PHF20L1: variants seen among roughly 807,000 people sequenced by gnomAD.
PHF20L1 encodes PHD finger protein 20 like 1.
In PHF20L1, 44 loss-of-function variants were observed where a neutral mutation model predicts 125.5. That is an observed-to-expected ratio of 0.35 (90% confidence interval 0.28 to 0.45). The LOEUF is 0.45. PHF20L1 is among the 20% of genes least tolerant of loss of function. The probability of loss-of-function intolerance (pLI) is 1.00; values close to 1 mark genes in which losing one functional copy is unlikely to be tolerated. For synonymous variants in PHF20L1, 380 were observed against 403.1 expected, an observed-to-expected ratio of 0.94 and a Z score of 0.69; for missense variants, 1,012 against 1,217.2, an observed-to-expected ratio of 0.83 and a Z score of 2.51.
At chr8:132,837,080 C>T (rs183505549) in intron 16 of PHF20L1, among the ~76,000 whole-genome samples, 1 of 152,234 alleles carries the variant, frequency 6.6e-6, no homozygotes, top group East Asian at 1.9e-4. Flanking sequence ...AGTCACCCTT[C>T]ACTTGTCAGT....
chr8:132,787,822 A>C lies in PHF20L1; in HGVS notation c.84-6588A>C, dbSNP rs537083200. On this transcript the variant is annotated intron_variant, in intron 2 of 20. Coordinates refer to ENST00000395386, the MANE Select transcript of PHF20L1 (RefSeq NM_016018.5). ...GCTACCAGGAAACTAAAACTTTTAA[A>C]GGGTAACTAGGATACAAGAATATTT... Among the ~76,000 whole-genome samples, 13 of 152,266 alleles carry C rather than the reference A, an allele frequency of 8.5e-5. No individual in the cohort carries two copies. The East Asian group carries it at 2.3e-3, about 27-fold the overall frequency.
At chr8:132,791,674 T>C (rs181078029) in intron 2 of PHF20L1, among the ~76,000 whole-genome samples, 98 of 152,312 alleles carry the variant, frequency 6.4e-4, no homozygotes, top group Middle Eastern at 6.8e-3. Flanking sequence ...AATGGTAATA[T>C]TTTTAACACC....
chr8:132,777,644 CTTCAAAT>C, intron 1 of PHF20L1, 141 bp from the exon 2 acceptor site: 1 of 531,110 alleles, frequency 1.9e-6, no homozygotes, highest in Non-Finnish European at 3.3e-6. Flanking sequence ...GGTAATACTC[CTTCAAAT>C]TTCTTAACAA....
At chr8:132,802,166 G>C (rs1245472203) in intron 6 of PHF20L1, among the ~76,000 whole-genome samples, 1 of 145,456 alleles carries the variant, frequency 6.9e-6, no homozygotes, top group Non-Finnish European at 1.5e-5. Context: ...TTCATTGATG[G>C]TGCTTTCTTT....
chr8:132,794,494 G>A lies in PHF20L1; in HGVS notation c.168G>A (p.Glu56=). 6.2e-7 allele frequency: 1 copy of A among 1,610,744 alleles called. No individual in the cohort carries two copies. The highest frequency in any genetic ancestry group is 8.5e-7 in the Non-Finnish European group (1 of 1,176,964). ...AGCGCTGGAGTCATCGTTATGATGA[G>A]TGGATTTACTGGGATAGCAATAGAT... The part of the protein sequence containing the change: ...HFERWSHRYD[E]WIYWDSNRLR... Residue 56 remains glutamate, a synonymous_variant, in exon 3 of 21, where the codon GAG becomes GAA. Transcript: ENST00000395386.
intron 8 of PHF20L1, chr8:132,808,131 T>C (rs1191965596): frequency 6.5e-6 from 1 of 152,878 alleles, no homozygotes; most frequent in East Asian, 1.9e-4. Flanking sequence ...CTTTTGTAAG[T>C]TGATGTGAAT....
rs770369189 is a variant in PHF20L1 at position 132,836,665 on chromosome 8, A to C, written c.2035A>C (p.Asn679His). The C allele has an allele frequency of 1.9e-6, 3 of 1,613,276 alleles. No individual in the cohort carries two copies. Among genetic ancestry groups the C allele is most frequent in the Non-Finnish European group, 1.7e-6 (2 of 1,179,478 alleles). The change falls in exon 16 of 21, where the codon AAT becomes CAT. Residue 679 changes from asparagine to histidine, a missense_variant. Physicochemically the swap from Asn to His is moderately conservative, Grantham distance 68. This residue lies in a region of PHF20L1 where 320 missense variants were observed against 293.8 expected (regional missense o/e 1.09). Transcript: ENST00000395386. ...EESQDEDDAL[N>H]EIVRCICEMD... ...ATCTCAGGATGAGGATGATGCTCTT[A>C]ATGAAATTGTGCGATGTATTTGTGA...
rs1034766210 is a variant in PHF20L1 at position 132,811,142 on chromosome 8, G to A, written c.930+14G>A. 1.9e-6 allele frequency: 3 copies of A among 1,610,092 alleles called. No homozygotes were observed. Among genetic ancestry groups the A allele is most frequent in the Non-Finnish European group, 2.5e-6 (3 of 1,176,862 alleles). ...ATGCTGGAGCAGGTATGAAATGGTAGCATTTGATTTTTTTCAAGGTTCCCA... is the reference window on the plus strand; with the variant it reads ...ATGCTGGAGCAGGTATGAAATGGTAACATTTGATTTTTTTCAAGGTTCCCA... On this transcript the variant is annotated intron_variant, in intron 9 of 20. Coordinates refer to ENST00000395386, the MANE Select transcript of PHF20L1 (RefSeq NM_016018.5).
chr8:132,796,261 G>A (rs1358703652), intron 4 of PHF20L1, among the ~76,000 whole-genome samples: 1 of 152,020 alleles, frequency 6.6e-6, no homozygotes, highest in Non-Finnish European at 1.5e-5. Context: ...TCGTTTATAG[G>A]TGATAGAATA....
chr8:132,838,775 CATTTGTT>C (rs1182873706), intron 17 of PHF20L1, among the ~76,000 whole-genome samples: 3 of 151,576 alleles, frequency 2.0e-5, no homozygotes, highest in Non-Finnish European at 2.9e-5. Flanking sequence ...CAAATGTAGA[CATTTGTT>C]ATTTATTCAG....
rs754172533 is a variant in PHF20L1, at chr8:132,836,727, TG to T, written c.2091+8del. 7.5e-6 allele frequency: 12 copies of T among 1,603,426 alleles called. No individual in the cohort carries two copies. The African/African-American group carries it at 1.5e-4, about 20-fold the overall frequency. ...AGAATGGCTTCATGATCCAGGTAAT[TG>T]GTTAACCTCTCTTCCCTATAATGAG... On this transcript the variant is annotated splice_region_variant and intron_variant, in intron 16 of 20. Coordinates refer to ENST00000395386, the MANE Select transcript of PHF20L1 (RefSeq NM_016018.5).
At chr8:132,801,313 C>T (rs1833016911) in intron 6 of PHF20L1, among the ~76,000 whole-genome samples, 2 of 151,638 alleles carry the variant, frequency 1.3e-5, no homozygotes, top group African/African-American at 2.4e-5. Flanking sequence ...TCGTTGGATT[C>T]TCATAGTAGA....
At chr8:132,794,968 A>T (rs937761642) in intron 4 of PHF20L1, 151 bp downstream of exon 4, 1 of 601,590 alleles carries the variant, frequency 1.7e-6, no homozygotes, top group Non-Finnish European at 2.9e-6. Context: ...TTGATTTGTT[A>T]TGTGTTATCG....
At chr8:132,845,633 C>G (rs1023157378) in intron 20 of PHF20L1, 148 bp from the exon 21 acceptor site, 2 of 612,150 alleles carry the variant, frequency 3.3e-6, no homozygotes, top group African/African-American at 3.7e-5. Context: ...GGACGCTAAC[C>G]TCTCGGAAAT....
At chr8:132,797,154 A>G (rs1303606208) in intron 4 of PHF20L1, among the ~76,000 whole-genome samples, 2 of 152,030 alleles carry the variant, frequency 1.3e-5, no homozygotes, top group African/African-American at 4.8e-5. Flanking sequence ...ATATTGGCAG[A>G]TACTATTTGT....
chr8:132,781,860 C>A (rs999981910), intron 2 of PHF20L1, among the ~76,000 whole-genome samples: 26 of 152,246 alleles, frequency 1.7e-4, no homozygotes, highest in African/African-American at 6.3e-4. Flanking sequence ...CATCTTAGTC[C>A]CAGTATTTGC....
rs1835054029 is a variant in PHF20L1 at position 132,816,949 on chromosome 8, T to C, written c.1245T>C (p.Ser415=). The change falls in exon 11 of 21, where the codon TCT becomes TCC. Residue 415 remains serine (S), a synonymous_variant. Coordinates refer to ENST00000395386, the MANE Select transcript of PHF20L1 (RefSeq NM_016018.5). ...PFKHSERRRR[S]QRLATLPMPD... is the part of the protein sequence containing the mutation. ...AGCATAGTGAGCGGAGAAGAAGATCTCAGCGTTTAGCCACCTTACCCATGC... is the reference window on the plus strand; with the variant it reads ...AGCATAGTGAGCGGAGAAGAAGATCCCAGCGTTTAGCCACCTTACCCATGC... 2 of 1,612,344 alleles carry C rather than the reference T, an allele frequency of 1.2e-6. No individual in the cohort carries two copies. The highest frequency in any genetic ancestry group is 1.7e-6 in the Non-Finnish European group (2 of 1,178,930).
Position 132,825,286 on chromosome 8 carries a change from G to C in PHF20L1, c.1659G>C (p.Lys553Asn). The C allele has an allele frequency of 6.4e-7, 1 of 1,555,628 alleles. No individual in the cohort carries two copies. The highest frequency in any genetic ancestry group is 8.8e-7 in the Non-Finnish European group (1 of 1,131,962). Residue 553 changes from lysine to asparagine, a missense_variant, in exon 14 of 21, where the codon AAG (lysine) becomes AAC (asparagine). Coordinates refer to ENST00000395386, the MANE Select transcript of PHF20L1 (RefSeq NM_016018.5). ...TAFGKRKEKD[K>N]ERREKRDKDH... ...TAGGTAAGAGAAAAGAAAAAGATAA[G>C]GAAAGAAGAGAGAAGAGAGACAAAG...
chr8:132,813,763 CTT>C (rs985314501), intron 9 of PHF20L1, among the ~76,000 whole-genome samples: 10 of 151,870 alleles, frequency 6.6e-5, no homozygotes, highest in African/African-American at 2.2e-4. Flanking sequence ...GTTATTTTCT[CTT>C]GTTTTGAAAA....
Sources: allele counts gnomAD v4.1 joint callset (sites outside exome capture counted in the v4.1 genomes callset), GRCh38; gene constraint gnomAD v4.1.1; regional missense constraint gnomAD v4.1.1; transcripts MANE v1.5; gene names NCBI Gene and HGNC (gene_info 2026-07-23, HGNC 2026-07-21).